The following DHRS3 variants were observed in gnomAD, a reference collection of about 807,000 sequenced individuals.
The protein encoded by DHRS3 is dehydrogenase/reductase 3.
A neutral mutation model predicts 27.2 loss-of-function variants in DHRS3; 14 were observed. That is an observed-to-expected ratio of 0.52 (90% CI 0.34 to 0.81). The LOEUF is 0.81. DHRS3 is among the 30% of genes least tolerant of loss of function. The pLI is 0.01. For synonymous variants in DHRS3, 165 were observed against 175.9 expected, an observed-to-expected ratio of 0.94 and a Z score of 0.49; for missense variants, 322 against 406.2, an observed-to-expected ratio of 0.79 and a Z score of 1.78.
At position 12,617,520 on chromosome 1, in the gene DHRS3, GAAAAAAA is replaced by G. The variant is rs58614555; in HGVS notation, c.-179_-173del. On this transcript the variant is annotated 5_prime_UTR_variant, in exon 1 of 6. Coordinates refer to ENST00000616661, the MANE Select transcript of DHRS3 (RefSeq NM_004753.7). ...AATGCAAAGCACCGGGTGAGAAAAA[GAAAAAAA>G]AAAAAAAAAAAAAGATAAATTCTCC... 2 of 131,854 alleles carry G rather than the reference GAAAAAAA, an allele frequency of 1.5e-5. No individual in the cohort carries two copies. Among genetic ancestry groups the G allele is most frequent in the African/African-American group, 3.8e-5 (1 of 26,542 alleles). 8.2% of individuals were successfully genotyped at this position (131,854 alleles called of 1,614,324 possible). A position where few individuals can be genotyped will look rare whatever the true frequency, so the allele number is the denominator to read the frequency against.
rs1646614334 is a variant in DHRS3, at chr1:12,578,736, A to G, written c.680T>C (p.Phe227Ser). Residue 227 changes from phenylalanine (F) to serine (S), a missense_variant, in exon 4 of 6, where the codon TTC (phenylalanine) becomes TCC (serine). Coordinates refer to ENST00000616661, the MANE Select transcript of DHRS3 (RefSeq NM_004753.7). This position sits in a 1 kb window ranked among gnomAD's most constrained non-coding sequence, Gnocchi z 4.5. ...CACTGACCTGACTCTCATGCCCTGG[A>G]ACATCTCGGTGCTGGTGTGGAAGGG... ...VLPFHTSTEM[F>S]QGMRVRFPNL... is the part of the protein sequence containing the mutation. 2.5e-6 allele frequency: 4 copies of G among 1,613,516 alleles called. No homozygotes were observed. Among genetic ancestry groups the G allele is most frequent in the Non-Finnish European group, 2.5e-6 (3 of 1,179,648 alleles).
At chr1:12,601,716 C>T (rs1288895485) in intron 1 of DHRS3, among the ~76,000 whole-genome samples, 1 of 152,158 alleles carries the variant, frequency 6.6e-6, no homozygotes, top group Non-Finnish European at 1.5e-5. Flanking sequence ...AGGCAAGACT[C>T]ATTGGTTACA....
At chr1:12,585,501 T>C (rs1646689910) in intron 1 of DHRS3, among the ~76,000 whole-genome samples, 1 of 152,196 alleles carries the variant, frequency 6.6e-6, no homozygotes. Flanking sequence ...CCTTCCATCT[T>C]AGGAACCGGT....
Position 12,579,279 on chromosome 1 carries a change from C to A in DHRS3, c.459+14G>T, listed in dbSNP as rs757157780. On this transcript the variant is annotated intron_variant, in intron 3 of 5. Transcript: ENST00000616661. ...GCACGCCCGGGGCTGGCTCTGGCCC[C>A]GGATAGCCCTTACCCAGAACTGGCC... 3 of 1,614,050 alleles carry A rather than the reference C, an allele frequency of 1.9e-6. No individual in the cohort carries two copies. The highest frequency in any genetic ancestry group is 1.3e-5 in the African/African-American group (1 of 75,034).
In DHRS3 at chr1:12,579,110, A is replaced by C. The variant is rs374981268; in HGVS notation, c.460-154T>G. 5.1e-5 allele frequency: 65 copies of C among 1,267,390 alleles called. No homozygotes were observed. In the East Asian group the frequency reaches 5.8e-4, roughly 11 times the overall value. 78.5% of individuals were successfully genotyped at this position (1,267,390 alleles called of 1,614,324 possible). ...AGGGCCGAGGGCTCCCTGCCCCAGG[A>C]CACCGAGCATATTTCACAAAGTCTG... On this transcript the variant is annotated intron_variant, in intron 3 of 5. Transcript: ENST00000616661.
chr1:12,588,854 T>G (rs3121607), intron 1 of DHRS3, among the ~76,000 whole-genome samples: 29,367 of 152,174 alleles, frequency 0.19, 3,835 homozygotes, highest in African/African-American at 0.38. Context: ...TGGCAGCCCC[T>G]GAAAGATCTG....
intron 1 of DHRS3, among the ~76,000 whole-genome samples, chr1:12,613,248 T>G (rs528058802): frequency 5.3e-5 from 8 of 152,310 alleles, no homozygotes; most frequent in African/African-American, 1.9e-4. Context: ...ACCCTGCTGA[T>G]GCCTTGATTT....
At chr1:12,599,032 C>T (rs150526729) in intron 1 of DHRS3, among the ~76,000 whole-genome samples, 26 of 152,340 alleles carry the variant, frequency 1.7e-4, no homozygotes, top group African/African-American at 4.6e-4. Flanking sequence ...CCCAGGGAGA[C>T]CTTCAGCTAA....
chr1:12,582,584 G>A (rs527343039), intron 1 of DHRS3, among the ~76,000 whole-genome samples: 1 of 152,272 alleles, frequency 6.6e-6, no homozygotes, highest in South Asian at 2.1e-4. Flanking sequence ...AAGCTGGGAG[G>A]TTCAGTTCAT....
At chr1:12,598,698 T>G (rs922467169) in intron 1 of DHRS3, among the ~76,000 whole-genome samples, 1 of 152,122 alleles carries the variant, frequency 6.6e-6, no homozygotes, top group Non-Finnish European at 1.5e-5. Context: ...GTCCAAAACA[T>G]CAGACCTATG....
In DHRS3 at chr1:12,593,816, G is replaced by A. The variant is rs1206247047; in HGVS notation, c.196-13150C>T. Among the ~76,000 whole-genome samples the A allele has an allele frequency of 2.6e-5, 4 of 152,140 alleles. No individual in the cohort carries two copies. Among genetic ancestry groups the A allele is most frequent in the Non-Finnish European group, 5.9e-5 (4 of 68,036 alleles). On this transcript the variant is annotated intron_variant, in intron 1 of 5. Coordinates refer to ENST00000616661, the MANE Select transcript of DHRS3 (RefSeq NM_004753.7). The surrounding 1 kb of genome is among the most constrained non-coding windows in gnomAD (Gnocchi z 4.6). Reference sequence around the variant, plus strand: ...GGGACCACTCAGAAAACTCTCCAGGGAAACGATCACAAAAGCTGACTCTGG... The same window carrying A: ...GGGACCACTCAGAAAACTCTCCAGGAAAACGATCACAAAAGCTGACTCTGG...
chr1:12,571,320 G>C (rs1434450454), intron 5 of DHRS3, among the ~76,000 whole-genome samples: 1 of 152,116 alleles, frequency 6.6e-6, no homozygotes, highest in East Asian at 1.9e-4. Context: ...TCCCCAAAGT[G>C]GTCTGCCCTG....
chr1:12,608,920 TC>T lies in DHRS3; in HGVS notation c.195+8233del, dbSNP rs1646888776. Among the ~76,000 whole-genome samples the T allele has an allele frequency of 6.6e-6, 1 of 152,194 alleles. No individual in the cohort carries two copies. Among genetic ancestry groups the T allele is most frequent in the Non-Finnish European group, 1.5e-5 (1 of 68,018 alleles). ...TTGCCACCCAACCTAAGTCATGGCT[TC>T]TAGCCCTTGTCACCCAGCCTGCTCC... On this transcript the variant is annotated intron_variant, in intron 1 of 5. Coordinates refer to ENST00000616661, the MANE Select transcript of DHRS3 (RefSeq NM_004753.7). This position sits in a 1 kb window ranked among gnomAD's most constrained non-coding sequence, Gnocchi z 4.1.
intron 1 of DHRS3, among the ~76,000 whole-genome samples, chr1:12,606,654 T>C (rs187544945): frequency 2.0e-5 from 3 of 151,356 alleles, no homozygotes; most frequent in Non-Finnish European, 2.9e-5. Flanking sequence ...CATGCCAAGC[T>C]AATTTTTTTT....
intron 1 of DHRS3, among the ~76,000 whole-genome samples, chr1:12,590,034 C>T (rs972766345): frequency 6.6e-6 from 1 of 152,090 alleles, no homozygotes; most frequent in African/African-American, 2.4e-5. Context: ...TTGATTCCAT[C>T]CTTCCACCTT....
intron 1 of DHRS3, among the ~76,000 whole-genome samples, chr1:12,596,812 G>A (rs1401511673): frequency 6.6e-6 from 1 of 152,086 alleles, no homozygotes; most frequent in Non-Finnish European, 1.5e-5. Context: ...TCACCAAACC[G>A]CAGGGCCGGT....
At chr1:12,572,886 C>A in intron 4 of DHRS3, 33 bp from the exon 5 acceptor site, 1 of 1,555,328 alleles carries the variant, frequency 6.4e-7, no homozygotes, top group East Asian at 2.3e-5. Flanking sequence ...TGGGTTTCTC[C>A]TGGAGAGGCA....
At chr1:12,569,075 G>A (rs930711638) in intron 5 of DHRS3, among the ~76,000 whole-genome samples, 1 of 152,232 alleles carries the variant, frequency 6.6e-6, no homozygotes, top group East Asian at 1.9e-4. Context: ...AAAATTAGCT[G>A]GGCGTGGTGG....
intron 2 of DHRS3, chr1:12,579,665 G>A (rs1223530712): frequency 5.2e-6 from 2 of 383,672 alleles, no homozygotes; most frequent in Non-Finnish European, 9.4e-6. Context: ...TAGTAGAGAT[G>A]GGGTTTCACC....
Sources: gnomAD v4.1 joint callset for allele counts (sites outside exome capture counted in the v4.1 genomes callset) on GRCh38, gnomAD v4.1.1 for gene constraint, Gnocchi (gnomAD v3.1) non-coding constraint, MANE v1.5 for transcripts, NCBI Gene and HGNC (gene_info 2026-07-23, HGNC 2026-07-21) for gene names.